WDTC1: variants seen among roughly 807,000 people sequenced by gnomAD.
The protein encoded by WDTC1 is WD and tetratricopeptide repeats 1.
In WDTC1, 12 loss-of-function variants were observed where a neutral mutation model predicts 76.0. That is an observed-to-expected ratio of 0.16 (90% CI 0.10 to 0.26). The LOEUF is 0.26. WDTC1 is among the 10% of genes least tolerant of loss of function. The probability of loss-of-function intolerance (pLI) is 1.00; values close to 1 mark genes in which losing one functional copy is unlikely to be tolerated. For missense variants in WDTC1, 511 were observed against 908.8 expected, an observed-to-expected ratio of 0.56 and a Z score of 5.63; for synonymous variants, 326 against 350.8, an observed-to-expected ratio of 0.93 and a Z score of 0.79.
chr1:27,301,444 TCTC>T lies in WDTC1; in HGVS notation c.1452_1454del (p.Ser485del), dbSNP rs753136065. 1.5e-5 allele frequency: 25 copies of T among 1,613,060 alleles called. No homozygotes were observed. Among genetic ancestry groups the T allele is most frequent in the Non-Finnish European group, 2.1e-5 (25 of 1,179,994 alleles). ...GGCCGCGACATCACAGCTGCCCTCT[TCTC>T]TAAAAATGATGGTGGTGAGTGGGCA... is the stretch of plus-strand genomic sequence containing the variant. On this transcript the variant is annotated inframe_deletion, in exon 13 of 16. Coordinates refer to ENST00000319394, the MANE Select transcript of WDTC1 (RefSeq NM_001276252.2). This position sits in a 1 kb window ranked among gnomAD's most constrained non-coding sequence, Gnocchi z 5.8.
intron 9 of WDTC1, among the ~76,000 whole-genome samples, chr1:27,295,612 C>T (rs900901314): frequency 5.3e-5 from 8 of 152,030 alleles, no homozygotes; most frequent in Admixed American, 2.6e-4. Flanking sequence ...GCACATGCCA[C>T]GCCTGGCTAA....
At chr1:27,253,362 T>TTCTTCTTTCTTCTTTCTTCTTTCC (rs2012150675) in intron 1 of WDTC1, among the ~76,000 whole-genome samples, 1 of 148,680 alleles carries the variant, frequency 6.7e-6, no homozygotes, top group Non-Finnish European at 1.5e-5. Context: ...TTCTTCTTTC[T>TTCTTCTTTCTTCTTTCTTCTTTCC]TCTTCTTCTT....
intron 3 of WDTC1, among the ~76,000 whole-genome samples, chr1:27,281,132 A>G (rs926451166): frequency 1.3e-5 from 2 of 151,940 alleles, no homozygotes; most frequent in African/African-American, 4.8e-5. Flanking sequence ...CAGCATCTGA[A>G]CAGTACCTGG....
At chr1:27,287,021 G>A (rs367548126) in intron 5 of WDTC1, among the ~76,000 whole-genome samples, 4 of 151,482 alleles carry the variant, frequency 2.6e-5, no homozygotes, top group African/African-American at 9.7e-5. Context: ...AAATTAGCTG[G>A]GCGTGGTGGT....
intron 8 of WDTC1, 70 bp from the exon 9 acceptor site, chr1:27,294,444 T>C: frequency 1.4e-6 from 2 of 1,393,440 alleles, no homozygotes; most frequent in Non-Finnish European, 1.0e-6. Context: ...TTGATATGAC[T>C]GACTTCACAC....
At chr1:27,281,569 A>T in intron 3 of WDTC1, among the ~76,000 whole-genome samples, 1 of 151,670 alleles carries the variant, frequency 6.6e-6, no homozygotes, top group Non-Finnish European at 1.5e-5. Flanking sequence ...GTACTGTTTC[A>T]GACATATCTC....
At position 27,285,622 on chromosome 1, in the gene WDTC1, C is replaced by CT. The variant is rs1267668594; in HGVS notation, c.292-2039dup. 6.7e-3 allele frequency among the ~76,000 whole-genome samples: 972 copies of CT among 144,330 alleles called. 4 individuals carry two copies. The highest frequency in any genetic ancestry group is 8.8e-3 in the Non-Finnish European group (577 of 65,266). 94.7% of individuals were successfully genotyped at this position (144,330 alleles called of 152,430 possible). ...ACATACTTTCTTTCTTGTTTCTTTT[C>CT]TTTTTTTTTTTTTGAGACAGAGTCT... On this transcript the variant is annotated intron_variant, in intron 5 of 15. Coordinates refer to ENST00000319394, the MANE Select transcript of WDTC1 (RefSeq NM_001276252.2).
chr1:27,266,239 A>G (rs894943324), intron 3 of WDTC1, among the ~76,000 whole-genome samples: 2 of 152,190 alleles, frequency 1.3e-5, no homozygotes, highest in African/African-American at 4.8e-5. Context: ...AGACAGAAAG[A>G]ATAGCCATGG....
rs1323831639 is a variant in WDTC1, at chr1:27,306,614, G to T, written c.*231G>T. ...CAGCCCTGAAAAAAAGAGCAGGAGG[G>T]GACACCCCTCCATATGCCCCCCCCC... On this transcript the variant is annotated 3_prime_UTR_variant, in exon 16 of 16. Coordinates refer to ENST00000319394, the MANE Select transcript of WDTC1 (RefSeq NM_001276252.2). This position sits in a 1 kb window ranked among gnomAD's most constrained non-coding sequence, Gnocchi z 5.0. 2 of 591,382 alleles carry T rather than the reference G, an allele frequency of 3.4e-6. No homozygotes were observed. Among genetic ancestry groups the T allele is most frequent in the African/African-American group, 1.9e-5 (1 of 53,636 alleles). 36.6% of individuals were successfully genotyped at this position (591,382 alleles called of 1,614,324 possible). A position where few individuals can be genotyped will look rare whatever the true frequency, so the allele number is the denominator to read the frequency against.
intron 14 of WDTC1, chr1:27,304,706 G>A: frequency 3.8e-6 from 1 of 263,472 alleles, no homozygotes; most frequent in Non-Finnish European, 7.2e-6. Flanking sequence ...CTTAAAACAG[G>A]GTATTTTGGA....
chr1:27,263,078 G>A (rs2012534540), intron 2 of WDTC1, 74 bp from the exon 3 acceptor site: 10 of 1,520,310 alleles, frequency 6.6e-6, no homozygotes, highest in Admixed American at 1.7e-5. Flanking sequence ...GGAAAGAGCT[G>A]GATATATAAT....
At chr1:27,300,838 G>C (rs901667759) in intron 12 of WDTC1, among the ~76,000 whole-genome samples, 1 of 152,340 alleles carries the variant, frequency 6.6e-6, no homozygotes, top group Non-Finnish European at 1.5e-5. Context: ...GGCCAGCCGG[G>C]GGTGATTTGA....
At chr1:27,277,732 G>GT (rs1270551491) in intron 3 of WDTC1, among the ~76,000 whole-genome samples, 1 of 152,146 alleles carries the variant, frequency 6.6e-6, no homozygotes, top group Non-Finnish European at 1.5e-5. Context: ...TAGCATTGTA[G>GT]TAAGTTATAA....
intron 3 of WDTC1, among the ~76,000 whole-genome samples, chr1:27,265,928 A>T (rs941749340): frequency 2.0e-5 from 3 of 152,168 alleles, no homozygotes; most frequent in Non-Finnish European, 2.9e-5. Context: ...GGCCTGGGCA[A>T]CAAGCACAAA....
intron 5 of WDTC1, among the ~76,000 whole-genome samples, chr1:27,284,692 T>C (rs1267778821): frequency 6.6e-6 from 1 of 152,018 alleles, no homozygotes. Context: ...AATTTCATAA[T>C]GGTCTTGATA....
chr1:27,303,474 A>G lies in WDTC1; in HGVS notation c.1469-147A>G. ...GATCCAAAGATGCATCTTCCTCACA[A>G]CCTTTCCCCAGTTTTCCAGGATAAG... On this transcript the variant is annotated intron_variant, in intron 13 of 15. Transcript: ENST00000319394. The surrounding 1 kb of genome is among the most constrained non-coding windows in gnomAD (Gnocchi z 4.8). 2 of 1,029,928 alleles carry G rather than the reference A, an allele frequency of 1.9e-6. No individual in the cohort carries two copies. The highest frequency in any genetic ancestry group is 2.7e-6 in the Non-Finnish European group (2 of 745,262). 63.8% of individuals were successfully genotyped at this position (1,029,928 alleles called of 1,614,324 possible). A position where few individuals can be genotyped will look rare whatever the true frequency, so the allele number is the denominator to read the frequency against.
At chr1:27,257,703 A>G (rs557330008) in intron 1 of WDTC1, among the ~76,000 whole-genome samples, 1 of 152,300 alleles carries the variant, frequency 6.6e-6, no homozygotes. Flanking sequence ...AATGCCAGCG[A>G]CTGCCATATC....
intron 13 of WDTC1, among the ~76,000 whole-genome samples, chr1:27,302,466 G>A (rs992329938): frequency 3.9e-5 from 6 of 152,122 alleles, no homozygotes; most frequent in African/African-American, 1.4e-4. Flanking sequence ...CTAGCGCGGT[G>A]GCTCACGCTT....
intron 4 of WDTC1, among the ~76,000 whole-genome samples, chr1:27,282,861 C>T (rs1020347898): frequency 6.6e-6 from 1 of 150,904 alleles, no homozygotes; most frequent in Admixed American, 6.6e-5. Context: ...ATTTCTTGGC[C>T]GGGCGTAGTG....
Sources: gnomAD v4.1 joint callset for allele counts (sites outside exome capture counted in the v4.1 genomes callset) on GRCh38, gnomAD v4.1.1 for gene constraint, Gnocchi (gnomAD v3.1) non-coding constraint, MANE v1.5 for transcripts, NCBI Gene and HGNC (gene_info 2026-07-23, HGNC 2026-07-21) for gene names.